HADHA: variants seen among roughly 807,000 people sequenced by gnomAD.
The protein encoded by HADHA is trifunctional enzyme subunit alpha, mitochondrial.
A neutral mutation model predicts 91.3 loss-of-function variants in HADHA; 59 were observed. The ratio of observed to expected loss-of-function variants is 0.65; its 90% CI spans 0.52 to 0.80. The LOEUF (loss-of-function observed/expected upper bound fraction) is 0.80, where lower values mean the gene tolerates loss of function less well. HADHA is among the 30% of genes least tolerant of loss of function. HADHA has a pLI of 0.00. For synonymous variants in HADHA, 320 were observed against 338.9 expected, an observed-to-expected ratio of 0.94 and a Z score of 0.61; for missense variants, 800 against 927.6, an observed-to-expected ratio of 0.86 and a Z score of 1.79.
intron 16 of HADHA, among the ~76,000 whole-genome samples, chr2:26,194,238 C>T (rs909348060): frequency 6.6e-6 from 1 of 152,112 alleles, no homozygotes; most frequent in African/African-American, 2.4e-5. Context: ...GAAACAGATG[C>T]AGCACCAGTT....
chr2:26,200,196 T>C (rs549832857), intron 13 of HADHA, among the ~76,000 whole-genome samples: 7 of 152,348 alleles, frequency 4.6e-5, no homozygotes, highest in East Asian at 1.9e-4. Context: ...GGTACTCTTA[T>C]TTTTTGTAAT....
In HADHA at chr2:26,244,513, C is replaced by G. The variant is rs574255291; in HGVS notation, c.67+17G>C. ...AGTTCTGCCCGGAGGTCTGGGATGC[C>G]CTCGGCCAGGCCTCACCTCGGGAGC... On this transcript the variant is annotated intron_variant, in intron 1 of 19. Transcript: ENST00000380649. The G allele has an allele frequency of 3.9e-4, 613 of 1,566,576 alleles. 5 individuals carry two copies. The South Asian group carries it at 6.7e-3, about 17-fold the overall frequency.
At chr2:26,211,925 T>C (rs1670109575) in intron 10 of HADHA, 1 of 153,204 alleles carries the variant, frequency 6.5e-6, no homozygotes, top group Admixed American at 6.5e-5. Context: ...TTTCTGTCTT[T>C]GTATTCATTT....
chr2:26,232,889 T>C (rs555546295), intron 5 of HADHA, among the ~76,000 whole-genome samples: 3 of 152,006 alleles, frequency 2.0e-5, no homozygotes, highest in South Asian at 4.2e-4. Flanking sequence ...GGATAGCCTA[T>C]TGCTCCTAGT....
rs1336814672 is a variant in HADHA at position 26,214,539 on chromosome 2, A to ATT, written c.821_822insAA (p.Pro276PhefsTer28). 6.3e-7 allele frequency: 1 copy of ATT among 1,595,904 alleles called. No individual in the cohort carries two copies. The highest frequency in any genetic ancestry group is 8.6e-7 in the Non-Finnish European group (1 of 1,163,628). On this transcript the variant is annotated frameshift_variant, in exon 9 of 20. Transcript: ENST00000380649. LOFTEE classifies it high-confidence loss of function. The surrounding 1 kb of genome is among the most constrained non-coding windows in gnomAD (Gnocchi z 4.1). ...AAACCTGTTGCCTGACAAATGGAAT[A>ATT]GTCATGGCATACGCTGTCAATTCTG...
rs755713464 is a variant in HADHA at position 26,236,905 on chromosome 2, G to A, written c.264C>T (p.Ala88=). ...AGCCTGGCTTTGATGAGATAAGGAC[G>A]GCACTTCTGATTTGATCACTAGCCC... ...EIWASDQIRS[A]VLISSKPGCF... The change falls in exon 4 of 20, where the codon GCC becomes GCT. Residue 88 remains alanine (A), a synonymous_variant. Coordinates refer to ENST00000380649, the MANE Select transcript of HADHA (RefSeq NM_000182.5). 31 of 1,610,578 alleles carry A rather than the reference G, an allele frequency of 1.9e-5. No individual in the cohort carries two copies. The highest frequency in any genetic ancestry group is 1.3e-4 in the Admixed American group (8 of 59,990).
At chr2:26,230,869 C>T (rs1019219541) in intron 6 of HADHA, among the ~76,000 whole-genome samples, 31 of 151,874 alleles carry the variant, frequency 2.0e-4, no homozygotes, top group African/African-American at 6.5e-4. Context: ...TGCAGTGAGC[C>T]GAGATCATGC....
chr2:26,206,614 G>C (rs1003172111), intron 11 of HADHA, among the ~76,000 whole-genome samples: 1 of 152,006 alleles, frequency 6.6e-6, no homozygotes. Flanking sequence ...CTTTTGGGGG[G>C]GTTCTTTGGT....
At chr2:26,212,902 G>A (rs1046185667) in intron 9 of HADHA, among the ~76,000 whole-genome samples, 2 of 152,130 alleles carry the variant, frequency 1.3e-5, no homozygotes, top group Admixed American at 1.3e-4. Flanking sequence ...TCAAATGTAG[G>A]CAGATCCTCA....
At chr2:26,198,385 T>G (rs1244002583) in intron 13 of HADHA, among the ~76,000 whole-genome samples, 1 of 152,090 alleles carries the variant, frequency 6.6e-6, no homozygotes, top group African/African-American at 2.4e-5. Flanking sequence ...TTTTTGTTTT[T>G]TTTTTTTAAA....
In HADHA at chr2:26,239,011, A is replaced by G. The variant is rs551019555; in HGVS notation, c.110-7T>C. 1.4e-5 allele frequency: 23 copies of G among 1,600,170 alleles called. No homozygotes were observed. The highest frequency in any genetic ancestry group is 1.9e-5 in the Non-Finnish European group (22 of 1,167,518). ...TAGTTAATATGGGTTCTGGCTAAAA[A>G]GAAAAGAAAGATTTATTTGTAAACA... On this transcript the variant is annotated splice_region_variant and splice_polypyrimidine_tract_variant and intron_variant, in intron 2 of 19. Transcript: ENST00000380649.
In HADHA at chr2:26,225,517, CATG is replaced by C. The variant is rs201656276; in HGVS notation, c.676+4672_676+4674del. On this transcript the variant is annotated intron_variant, in intron 7 of 19. Coordinates refer to ENST00000380649, the MANE Select transcript of HADHA (RefSeq NM_000182.5). ...AAATTATCCTTGAGACTTTATCCCT[CATG>C]ATGACATAAAAATCCTTTATAATAT... 7.8e-3 allele frequency among the ~76,000 whole-genome samples: 1,187 copies of C among 152,130 alleles called. 17 individuals are homozygous for C. The highest frequency in any genetic ancestry group is 0.026 in the African/African-American group (1,081 of 41,478).
chr2:26,220,246 G>A (rs1003199538), intron 7 of HADHA, among the ~76,000 whole-genome samples: 8 of 152,206 alleles, frequency 5.3e-5, no homozygotes, highest in Non-Finnish European at 8.8e-5. Flanking sequence ...CCATCCTGCG[G>A]TTATTTTCCC....
chr2:26,223,651 C>T (rs1431861409), intron 7 of HADHA, among the ~76,000 whole-genome samples: 2 of 152,216 alleles, frequency 1.3e-5, no homozygotes, highest in Non-Finnish European at 2.9e-5. Flanking sequence ...TAGATGCCTT[C>T]TATTCCTAGG....
chr2:26,239,226 T>C lies in HADHA; in HGVS notation c.68-83A>G, dbSNP rs1486916377. 26 of 925,024 alleles carry C rather than the reference T, an allele frequency of 2.8e-5. 1 individual carries two copies. Among genetic ancestry groups the C allele is most frequent in the Middle Eastern group, 3.0e-4 (1 of 3,308 alleles). The allele number at this position is 925,024 out of a possible 1,614,324, so 57.3% of individuals were successfully genotyped here. ...TATATAACAAAGCTGTAATTTACAA[T>C]AATAACAACAACAAAAACCCCAAAT... On this transcript the variant is annotated intron_variant, in intron 1 of 19. Transcript: ENST00000380649.
rs1670185419 is a variant in HADHA at position 26,215,119 on chromosome 2, T to C, written c.733A>G (p.Ile245Val). The C allele has an allele frequency of 1.2e-6, 2 of 1,608,572 alleles. No individual in the cohort carries two copies. The highest frequency in any genetic ancestry group is 1.7e-6 in the Non-Finnish European group (2 of 1,174,976). Reference sequence around the variant, plus strand: ...TCAGCTAGTCCTTTGGCAAAAGTAATTGCAACTTCTTCTAGGTATTCTATT... The same window carrying C: ...TCAGCTAGTCCTTTGGCAAAAGTAACTGCAACTTCTTCTAGGTATTCTATT... ...RTIEYLEEVA[I>V]TFAKGLADKK... Residue 245 changes from isoleucine (I) to valine (V), a missense_variant, in exon 8 of 20, where the codon ATT (isoleucine) becomes GTT (valine). By Grantham distance (29) the Ile-to-Val change is conservative (BLOSUM62 3). Coordinates refer to ENST00000380649, the MANE Select transcript of HADHA (RefSeq NM_000182.5).
At chr2:26,193,484 C>T in intron 17 of HADHA, 93 bp downstream of exon 17, 1 of 1,089,634 alleles carries the variant, frequency 9.2e-7, no homozygotes, top group South Asian at 1.2e-5. Flanking sequence ...AGAAAACTTT[C>T]TTCCACGAGG....
intron 12 of HADHA, 67 bp from the exon 13 acceptor site, chr2:26,201,387 G>T: frequency 5.6e-6 from 6 of 1,075,020 alleles, no homozygotes; most frequent in Non-Finnish European, 4.3e-6. Context: ...ATGTCCATGG[G>T]CCAGAGCACA....
chr2:26,215,052 C>T lies in HADHA; in HGVS notation c.799+1G>A, dbSNP rs776363711. On this transcript the variant is annotated splice_donor_variant, in intron 8 of 19. Transcript: ENST00000380649. LOFTEE classifies it high-confidence loss of function. ...CTTTGTTCTTTAACAATGATACTCA[C>T]TTTCCACCAATCCCTTGTCTCTCTT... 2.5e-6 allele frequency: 4 copies of T among 1,610,260 alleles called. No individual in the cohort carries two copies. The South Asian group carries it at 4.4e-5, about 18-fold the overall frequency.
Sources: gnomAD v4.1 joint callset for allele counts (sites outside exome capture counted in the v4.1 genomes callset) on GRCh38, gnomAD v4.1.1 for gene constraint, Gnocchi (gnomAD v3.1) non-coding constraint, MANE v1.5 for transcripts, NCBI Gene and HGNC (gene_info 2026-07-23, HGNC 2026-07-21) for gene names.